The following BRINP3 variants were observed in gnomAD, a reference collection of about 807,000 sequenced individuals.
The protein encoded by BRINP3 is BMP/retinoic acid inducible neural specific 3.
Under a neutral mutation model 71.0 loss-of-function variants are expected in BRINP3, and 19 were observed. The ratio of observed to expected loss-of-function variants is 0.27; its 90% CI spans 0.19 to 0.39. The LOEUF is 0.39. Ranked by LOEUF, BRINP3 falls within the 10% of genes least tolerant of loss-of-function variation. BRINP3 has a pLI of 1.00. For synonymous variants in BRINP3, 380 were observed against 337.7 expected (o/e 1.13, Z -1.37); for missense variants, 959 against 940.8 (o/e 1.02, Z -0.25).
At chr1:190,432,972 A>G (rs892760509) in intron 2 of BRINP3, among the ~76,000 whole-genome samples, 1 of 152,228 alleles carries the variant, frequency 6.6e-6, no homozygotes, top group African/African-American at 2.4e-5. Flanking sequence ...TCATAAACAT[A>G]TATCAATTAT....
chr1:190,313,846 G>A (rs1665705213), intron 2 of BRINP3, among the ~76,000 whole-genome samples: 1 of 151,962 alleles, frequency 6.6e-6, no homozygotes, highest in South Asian at 2.1e-4. Context: ...CTTCAGCTTT[G>A]TCCTCCTCTT....
chr1:190,459,326 G>A (rs114154254), intron 1 of BRINP3, among the ~76,000 whole-genome samples: 1 of 151,648 alleles, frequency 6.6e-6, no homozygotes. Flanking sequence ...GTCTAAATAT[G>A]ATTATTCTTT....
chr1:190,315,353 G>C (rs958155984), intron 2 of BRINP3, among the ~76,000 whole-genome samples: 19 of 151,980 alleles, frequency 1.3e-4, no homozygotes, highest in African/African-American at 4.6e-4. Flanking sequence ...GAGGAAATTC[G>C]ACCTAGTGGA....
intron 2 of BRINP3, among the ~76,000 whole-genome samples, chr1:190,312,751 C>T (rs1665623563): frequency 6.6e-6 from 1 of 151,606 alleles, no homozygotes; most frequent in African/African-American, 2.4e-5. Context: ...TTTGCATCAT[C>T]CGATAATAGG....
chr1:190,122,330 T>G (rs1653735930), intron 7 of BRINP3, among the ~76,000 whole-genome samples: 1 of 152,116 alleles, frequency 6.6e-6, no homozygotes. Context: ...ATTCAGAATC[T>G]CAGACATCAT....
intron 2 of BRINP3, among the ~76,000 whole-genome samples, chr1:190,383,276 T>G (rs1296837469): frequency 6.6e-6 from 1 of 152,118 alleles, no homozygotes; most frequent in African/African-American, 2.4e-5. Context: ...GATTTATTAT[T>G]CATGGAAGTC....
intron 7 of BRINP3, among the ~76,000 whole-genome samples, chr1:190,144,466 T>A (rs545685831): frequency 2.0e-4 from 31 of 152,164 alleles, no homozygotes; most frequent in Admixed American, 6.5e-4. Flanking sequence ...TTCAACCCAT[T>A]GTGCTGTAGC....
intron 7 of BRINP3, among the ~76,000 whole-genome samples, chr1:190,106,138 G>T (rs1298141009): frequency 6.6e-6 from 1 of 151,736 alleles, no homozygotes; most frequent in East Asian, 1.9e-4. Context: ...GAGCCATCAG[G>T]CCTCTCCTAT....
intron 2 of BRINP3, among the ~76,000 whole-genome samples, chr1:190,321,376 C>T (rs558924982): frequency 3.3e-5 from 5 of 151,914 alleles, no homozygotes; most frequent in South Asian, 4.2e-4. Context: ...TAATTCTCTT[C>T]GATAACTATT....
intron 6 of BRINP3, among the ~76,000 whole-genome samples, chr1:190,174,178 A>G (rs1399364912): frequency 1.3e-5 from 2 of 152,144 alleles, no homozygotes; most frequent in Non-Finnish European, 2.9e-5. Flanking sequence ...CATCAGTCCT[A>G]TGAAGTAAAT....
chr1:190,256,702 A>C (rs1254588224), intron 4 of BRINP3, among the ~76,000 whole-genome samples: 1 of 152,078 alleles, frequency 6.6e-6, no homozygotes, highest in African/African-American at 2.4e-5. Context: ...ATCTCTCACC[A>C]TTTGCTTGTC....
intron 6 of BRINP3, among the ~76,000 whole-genome samples, chr1:190,218,344 T>A (rs1656586028): frequency 6.6e-6 from 1 of 152,072 alleles, no homozygotes; most frequent in Admixed American, 6.6e-5. Flanking sequence ...TTTCAGAGAT[T>A]TATTCATATT....
intron 2 of BRINP3, among the ~76,000 whole-genome samples, chr1:190,438,728 G>A (rs951384468): frequency 4.0e-5 from 6 of 151,840 alleles, no homozygotes; most frequent in African/African-American, 1.4e-4. Context: ...AAATGCAAAG[G>A]TGAACAGAGA....
In BRINP3 at chr1:190,264,265, G is replaced by A. The variant is rs551622882; in HGVS notation, c.618+600C>T. ...CTCCTCTTTTCTCAGTTTTGATAAA[G>A]TCAACCTTAGTGTATTCAAAGTCAA... On this transcript the variant is annotated intron_variant, in intron 4 of 7. Coordinates refer to ENST00000367462, the MANE Select transcript of BRINP3 (RefSeq NM_199051.3). 1.2e-4 allele frequency among the ~76,000 whole-genome samples: 18 copies of A among 151,924 alleles called. No individual in the cohort carries two copies. In the South Asian group the frequency reaches 3.7e-3, roughly 31 times the overall value.
intron 7 of BRINP3, among the ~76,000 whole-genome samples, chr1:190,136,153 C>A (rs1654959228): frequency 6.6e-6 from 1 of 151,980 alleles, no homozygotes; most frequent in Non-Finnish European, 1.5e-5. Flanking sequence ...ACAGTACAAT[C>A]ATATTAAGAG....
intron 6 of BRINP3, among the ~76,000 whole-genome samples, chr1:190,205,825 G>A (rs1049525593): frequency 4.0e-5 from 6 of 151,770 alleles, no homozygotes; most frequent in African/African-American, 1.5e-4. Flanking sequence ...TTCCAAACCC[G>A]TAACAAAGAT....
At chr1:190,304,808 C>G (rs542976624) in intron 2 of BRINP3, among the ~76,000 whole-genome samples, 2 of 151,794 alleles carry the variant, frequency 1.3e-5, no homozygotes, top group Non-Finnish European at 2.9e-5. Context: ...AGGAAACTTC[C>G]GACAAAGTGA....
intron 7 of BRINP3, among the ~76,000 whole-genome samples, chr1:190,102,105 G>C (rs1186655173): frequency 2.0e-5 from 3 of 152,006 alleles, no homozygotes; most frequent in Non-Finnish European, 4.4e-5. Context: ...CCTACCTTTT[G>C]ACTATTTTGC....
chr1:190,466,668 G>T (rs1009991442), intron 1 of BRINP3, among the ~76,000 whole-genome samples: 1 of 151,436 alleles, frequency 6.6e-6, no homozygotes, highest in Non-Finnish European at 1.5e-5. Flanking sequence ...TCTTCTTACT[G>T]GTTACAGAAG....
Sources: allele counts gnomAD v4.1 joint callset (sites outside exome capture counted in the v4.1 genomes callset), GRCh38; gene constraint gnomAD v4.1.1; transcripts MANE v1.5; gene names NCBI Gene and HGNC (gene_info 2026-07-23, HGNC 2026-07-21).